ATP13A5: variants seen among roughly 807,000 people sequenced by gnomAD.
ATP13A5 encodes the protein probable cation-transporting ATPase 13A5.
Under a neutral mutation model 150.2 loss-of-function variants are expected in ATP13A5, and 149 were observed. The observed-to-expected ratio is 0.99, with a 90% confidence interval of 0.87 to 1.14. The LOEUF is 1.14. Ranked by LOEUF, ATP13A5 falls within the 50% of genes most tolerant of loss-of-function variation. The probability of loss-of-function intolerance (pLI) is 0.00; values close to 1 mark genes in which losing one functional copy is unlikely to be tolerated. For synonymous variants in ATP13A5, 497 were observed against 522.2 expected (o/e 0.95, Z 0.66); for missense variants, 1,383 against 1,449.3 (o/e 0.95, Z 0.74).
rs764664049 is a variant in ATP13A5, at chr3:193,345,003, C to A, written c.814G>T (p.Gly272Cys). The A allele has an allele frequency of 1.9e-6, 3 of 1,612,808 alleles. No homozygotes were observed. Among genetic ancestry groups the A allele is most frequent in the Non-Finnish European group, 2.5e-6 (3 of 1,179,036 alleles). ...VQVTIIVKDK[G>C]LEELESRLLV... ...GAAGATGGCCTAACACATCACTTAC[C>A]TTTGTCTTTTACAATGATTGTAACC... Residue 272 changes from glycine to cysteine, a missense_variant and splice_region_variant, in exon 8 of 30, where the codon GGT (glycine) becomes TGT (cysteine). Physicochemically the swap from Gly to Cys is radical, Grantham distance 159 (BLOSUM62 -3). Transcript: ENST00000342358.
Position 193,346,447 on chromosome 3 carries a change from C to T in ATP13A5, c.742-1372G>A, listed in dbSNP as rs6444707. Among the ~76,000 whole-genome samples, 710 of 152,200 alleles carry T rather than the reference C, an allele frequency of 4.7e-3. 6 individuals are homozygous for T. Among genetic ancestry groups the T allele is most frequent in the African/African-American group, 0.016 (677 of 41,536 alleles). On this transcript the variant is annotated intron_variant, in intron 7 of 29. Coordinates refer to ENST00000342358, the MANE Select transcript of ATP13A5 (RefSeq NM_198505.4). Reference sequence around the variant, plus strand: ...AGACTGACTGTTGGGGCAACATCAGCGAGAGAAAGTTCCATGCTGGGCCAG... The same window carrying T: ...AGACTGACTGTTGGGGCAACATCAGTGAGAGAAAGTTCCATGCTGGGCCAG...
At chr3:193,330,271 C>G (rs1003345624) in intron 12 of ATP13A5, among the ~76,000 whole-genome samples, 32 of 152,364 alleles carry the variant, frequency 2.1e-4, no homozygotes, top group African/African-American at 7.7e-4. Flanking sequence ...GCCATCTACA[C>G]TCCCATTTTC....
intron 26 of ATP13A5, 29 bp downstream of exon 26, chr3:193,289,856 C>G: frequency 6.5e-7 from 1 of 1,537,180 alleles, no homozygotes; most frequent in Non-Finnish European, 8.8e-7. Flanking sequence ...AATTACCTTT[C>G]GAAAGCAGCA....
intron 15 of ATP13A5, 49 bp downstream of exon 15, chr3:193,322,442 A>G (rs1719316331): frequency 1.5e-6 from 2 of 1,352,164 alleles, no homozygotes; most frequent in Non-Finnish European, 1.1e-6. Flanking sequence ...GAAATGTTTT[A>G]CCAGTTTTAT....
At chr3:193,374,213 T>G (rs1049847423) in intron 1 of ATP13A5, among the ~76,000 whole-genome samples, 1 of 152,080 alleles carries the variant, frequency 6.6e-6, no homozygotes, top group Non-Finnish European at 1.5e-5. Context: ...TATCGGTCAT[T>G]GAGAACGTTC....
chr3:193,284,123 C>A (rs1717619767), intron 27 of ATP13A5, among the ~76,000 whole-genome samples: 1 of 151,588 alleles, frequency 6.6e-6, no homozygotes, highest in African/African-American at 2.4e-5. Flanking sequence ...CAGGCTCAAG[C>A]AATCCTCTCA....
chr3:193,288,308 C>T (rs1380279507), intron 26 of ATP13A5, among the ~76,000 whole-genome samples: 3 of 152,094 alleles, frequency 2.0e-5, no homozygotes, highest in African/African-American at 7.2e-5. Context: ...GCCTCACTTG[C>T]TACAGAGAAA....
chr3:193,367,102 G>A (rs1008014346), intron 1 of ATP13A5, among the ~76,000 whole-genome samples: 2 of 151,834 alleles, frequency 1.3e-5, no homozygotes, highest in Non-Finnish European at 2.9e-5. Flanking sequence ...AAGAGAAAAA[G>A]TTTTGAAATC....
intron 1 of ATP13A5, among the ~76,000 whole-genome samples, chr3:193,378,202 G>A (rs1252811616): frequency 6.6e-6 from 1 of 152,112 alleles, no homozygotes; most frequent in Non-Finnish European, 1.5e-5. Context: ...AGTAATTGAT[G>A]CTTAAAACTT....
intron 16 of ATP13A5, among the ~76,000 whole-genome samples, chr3:193,320,674 T>G (rs888310880): frequency 1.3e-4 from 20 of 152,046 alleles, no homozygotes; most frequent in Non-Finnish European, 1.6e-4. Context: ...AAAGGAATTA[T>G]TTGCCAAATC....
intron 6 of ATP13A5, 57 bp downstream of exon 6, chr3:193,354,070 A>G: frequency 7.0e-7 from 1 of 1,423,934 alleles, no homozygotes; most frequent in Non-Finnish European, 9.6e-7. Context: ...TCTAGGAAGT[A>G]AGAAGTAAGG....
chr3:193,305,674 A>T lies in ATP13A5; in HGVS notation c.2569-6T>A, dbSNP rs1311946302. 5 of 1,613,196 alleles carry T rather than the reference A, an allele frequency of 3.1e-6. No individual in the cohort carries two copies. The highest frequency in any genetic ancestry group is 4.2e-6 in the Non-Finnish European group (5 of 1,179,322). On this transcript the variant is annotated splice_polypyrimidine_tract_variant and splice_region_variant and intron_variant, in intron 22 of 29. Transcript: ENST00000342358. ...GCATGAGCCGCTTTCAAAGCCTGGA[A>T]TGATAAGCCCATGTCTCACCCATGA... is the stretch of plus-strand genomic sequence containing the variant.
intron 19 of ATP13A5, 115 bp downstream of exon 19, chr3:193,313,918 C>T (rs1302721830): frequency 1.6e-6 from 2 of 1,220,964 alleles, no homozygotes; most frequent in African/African-American, 3.0e-5. Context: ...AAACTCTGGA[C>T]AGATGTGAGG....
chr3:193,334,890 C>T (rs1711788842), intron 10 of ATP13A5, 39 bp downstream of exon 10: 1 of 1,581,558 alleles, frequency 6.3e-7, no homozygotes. Flanking sequence ...TCCCCATGTT[C>T]AAGCATGAAT....
chr3:193,297,136 A>T (rs1718205177), intron 25 of ATP13A5, among the ~76,000 whole-genome samples: 1 of 152,112 alleles, frequency 6.6e-6, no homozygotes, highest in Non-Finnish European at 1.5e-5. Flanking sequence ...AGCAGAAAAA[A>T]GAACACAAAA....
chr3:193,298,150 G>A (rs1718247941), intron 25 of ATP13A5, among the ~76,000 whole-genome samples: 2 of 152,074 alleles, frequency 1.3e-5, no homozygotes, highest in Admixed American at 6.6e-5. Context: ...CCATGCTGCT[G>A]CCTGAAAGCT....
At chr3:193,364,670 T>C (rs2108581180) in intron 1 of ATP13A5, among the ~76,000 whole-genome samples, 1 of 152,256 alleles carries the variant, frequency 6.6e-6, no homozygotes, top group Non-Finnish European at 1.5e-5. Flanking sequence ...TCCTACAATA[T>C]GAATTTATTG....
intron 1 of ATP13A5, among the ~76,000 whole-genome samples, chr3:193,374,869 G>A (rs768755453): frequency 3.5e-4 from 53 of 152,100 alleles, no homozygotes; most frequent in Admixed American, 2.8e-3. Flanking sequence ...TGCAAAGTGG[G>A]CTCATTATAA....
intron 9 of ATP13A5, among the ~76,000 whole-genome samples, chr3:193,341,597 G>T (rs1284040142): frequency 6.6e-6 from 1 of 152,110 alleles, no homozygotes; most frequent in Non-Finnish European, 1.5e-5. Flanking sequence ...AGAGTGGAGT[G>T]GGAGCAGCAG....
Sources: gnomAD v4.1 joint callset for allele counts (sites outside exome capture counted in the v4.1 genomes callset) on GRCh38, gnomAD v4.1.1 for gene constraint, MANE v1.5 for transcripts, NCBI Gene and HGNC (gene_info 2026-07-23, HGNC 2026-07-21) for gene names.